The following ZNF557 variants were observed in gnomAD, a reference collection of about 807,000 sequenced individuals.
ZNF557 encodes the protein CTB-25J19.9.
In ZNF557, 19 loss-of-function variants were observed where a neutral mutation model predicts 21.2. That is an observed-to-expected ratio of 0.90 (90% CI 0.63 to 1.32). The LOEUF (loss-of-function observed/expected upper bound fraction) is 1.32, where lower values mean the gene tolerates loss of function less well. ZNF557 is among the 40% of genes most tolerant of loss of function. ZNF557 has a pLI of 0.00. For synonymous variants in ZNF557, 207 were observed against 194.8 expected (o/e 1.06, Z -0.52); for missense variants, 487 against 519.8 (o/e 0.94, Z 0.61).
intron 2 of ZNF557, 113 bp downstream of exon 2, chr19:7,070,766 AT>A (rs58796000): frequency 0.67 from 91,525 of 137,468 alleles, 29,990 homozygotes; most frequent in Middle Eastern, 0.75. Context: ...CAGTGAGGGT[AT>A]TTTTTTTTTT....
chr19:7,074,895 G>A (rs1254573418), intron 2 of ZNF557, 101 bp from the exon 3 acceptor site: 10 of 847,850 alleles, frequency 1.2e-5, no homozygotes, highest in Non-Finnish European at 1.7e-5. Flanking sequence ...GGCAGGAGAC[G>A]GGGTGACCGA....
chr19:7,082,196 ATGAGG>A, intron 7 of ZNF557, 144 bp downstream of exon 7: 1 of 474,354 alleles, frequency 2.1e-6, no homozygotes. Context: ...CAGTTGGATC[ATGAGG>A]TCAGGTCAGG....
intron 2 of ZNF557, among the ~76,000 whole-genome samples, chr19:7,074,309 C>T (rs890796711): frequency 1.3e-4 from 17 of 134,332 alleles, no homozygotes; most frequent in Admixed American, 7.0e-4. Flanking sequence ...CCTGGCCAGC[C>T]GCTTTCATCT....
In ZNF557 at chr19:7,085,415, CA is replaced by C. The variant is rs751688732; in HGVS notation, c.*1672del. The C allele has an allele frequency of 7.2e-5, 11 of 152,206 alleles. No homozygotes were observed. Among genetic ancestry groups the C allele is most frequent in the Admixed American group, 2.0e-4 (3 of 15,270 alleles). The allele number at this position is 152,206 out of a possible 1,614,324, so 9.4% of individuals were successfully genotyped here. On this transcript the variant is annotated 3_prime_UTR_variant, in exon 8 of 8. Coordinates refer to ENST00000252840, the MANE Select transcript of ZNF557 (RefSeq NM_024341.3). ...CTGGGCTCAAGTGATCCACCTGCCTCAGCCTCCCAAAATGCTGGGAATACAG... is the reference window on the plus strand; with the variant it reads ...CTGGGCTCAAGTGATCCACCTGCCTCGCCTCCCAAAATGCTGGGAATACAG...
At chr19:7,082,298 C>T (rs567969975) in intron 7 of ZNF557, among the ~76,000 whole-genome samples, 3 of 151,950 alleles carry the variant, frequency 2.0e-5, no homozygotes, top group African/African-American at 7.2e-5. Context: ...TGATGCGCAC[C>T]TGTAATCCCA....
intron 2 of ZNF557, among the ~76,000 whole-genome samples, chr19:7,074,249 G>T (rs984579759): frequency 6.6e-6 from 1 of 150,814 alleles, no homozygotes; most frequent in South Asian, 2.1e-4. Flanking sequence ...CTCGTGATCC[G>T]CCCGCCTCGG....
intron 2 of ZNF557, among the ~76,000 whole-genome samples, chr19:7,072,666 T>G (rs550621933): frequency 6.6e-6 from 1 of 152,166 alleles, no homozygotes; most frequent in South Asian, 2.1e-4. Context: ...AGACCCTACC[T>G]CGACTCTCAA....
intron 4 of ZNF557, 121 bp downstream of exon 4, chr19:7,075,864 G>C: frequency 6.7e-7 from 1 of 1,499,510 alleles, no homozygotes; most frequent in Non-Finnish European, 8.9e-7. Flanking sequence ...CAGGGTCTCT[G>C]AGTGAGGGCT....
intron 5 of ZNF557, among the ~76,000 whole-genome samples, chr19:7,079,164 A>G (rs1335570921): frequency 6.6e-6 from 1 of 151,986 alleles, no homozygotes; most frequent in East Asian, 1.9e-4. Flanking sequence ...TAATAAATCC[A>G]ATGACTAGGT....
chr19:7,079,629 TC>T (rs1977661711), intron 5 of ZNF557, among the ~76,000 whole-genome samples: 1 of 152,084 alleles, frequency 6.6e-6, no homozygotes, highest in South Asian at 2.1e-4. Context: ...AAATCTGATT[TC>T]CCCCCTCCCC....
rs899336621 is a variant in ZNF557, at chr19:7,075,753, A to T, written c.120+10A>T. On this transcript the variant is annotated intron_variant, in intron 4 of 7. Coordinates refer to ENST00000252840, the MANE Select transcript of ZNF557 (RefSeq NM_024341.3). The stretch of plus-strand genomic sequence containing the variant: ...GAAAAGCTGGCTAAAGGTGAGTCGG[A>T]TGTTCCTTTTTCCAAATCATGATTC... 4 of 1,612,094 alleles carry T rather than the reference A, an allele frequency of 2.5e-6. No individual in the cohort carries two copies. The Admixed American group carries it at 5.0e-5, about 20-fold the overall frequency.
chr19:7,083,256 T>G lies in ZNF557; in HGVS notation c.805T>G (p.Cys269Gly). 1.9e-6 allele frequency: 3 copies of G among 1,614,214 alleles called. No homozygotes were observed. Among genetic ancestry groups the G allele is most frequent in the Non-Finnish European group, 2.5e-6 (3 of 1,180,030 alleles). Residue 269 changes from cysteine (C) to glycine (G), a missense_variant, in exon 8 of 8, where the codon TGT becomes GGT. Cys to Gly is a radical substitution (Grantham distance 159). Coordinates refer to ENST00000252840, the MANE Select transcript of ZNF557 (RefSeq NM_024341.3). ...TGEKPYKCNQ[C>G]FREFRTQSIF... ...AGAAAAACCGTACAAATGTAACCAG[T>G]GTTTTCGTGAGTTCCGCACTCAGTC... is the stretch of plus-strand genomic sequence containing the variant.
At position 7,075,655 on chromosome 19, in the gene ZNF557, C is replaced by T. The variant is rs1977571223; in HGVS notation, c.32C>T (p.Ala11Val). The stretch of plus-strand genomic sequence containing the variant: ...CTGGTACTCATTTCTCCTCCTCCAG[C>T]TCTGTCTTCCCTGTTCCCAGCCTCT... MAAVVLPPTA[A>V]LSSLFPASQR... The change falls in exon 4 of 8, where the codon GCT becomes GTT. Residue 11 changes from alanine (A) to valine (V), a missense_variant and splice_region_variant. Coordinates refer to ENST00000252840, the MANE Select transcript of ZNF557 (RefSeq NM_024341.3). 2.5e-6 allele frequency: 4 copies of T among 1,613,234 alleles called. No individual in the cohort carries two copies. Among genetic ancestry groups the T allele is most frequent in the East Asian group, 4.5e-5 (2 of 44,874 alleles).
chr19:7,081,343 C>CT lies in ZNF557; in HGVS notation c.248-13dup. On this transcript the variant is annotated splice_polypyrimidine_tract_variant and intron_variant, in intron 5 of 7. Coordinates refer to ENST00000252840, the MANE Select transcript of ZNF557 (RefSeq NM_024341.3). ...TGCACAGTCCCCCTACATCATGTGT[C>CT]TTTTCTCCATGTACAGGGAACCAAG... 6.3e-7 allele frequency: 1 copy of CT among 1,587,502 alleles called. No individual in the cohort carries two copies. The highest frequency in any genetic ancestry group is 1.1e-5 in the South Asian group (1 of 90,334).
intron 2 of ZNF557, among the ~76,000 whole-genome samples, chr19:7,071,005 A>T (rs569564016): frequency 2.0e-5 from 3 of 152,196 alleles, no homozygotes; most frequent in South Asian, 2.1e-4. Context: ...ACTTCAGGTG[A>T]TCCACCCACC....
chr19:7,076,093 C>T (rs1364456134), intron 4 of ZNF557, among the ~76,000 whole-genome samples: 2 of 152,168 alleles, frequency 1.3e-5, no homozygotes, highest in South Asian at 2.1e-4. Context: ...CCATGATCCC[C>T]TGGAGACTGA....
intron 2 of ZNF557, among the ~76,000 whole-genome samples, chr19:7,071,768 T>C (rs10406689): frequency 0.86 from 119,740 of 139,314 alleles, 51,461 homozygotes; most frequent in Middle Eastern, 0.88. Context: ...CCGCTGCACT[T>C]CAGCCTGGGC....
intron 5 of ZNF557, 44 bp downstream of exon 5, chr19:7,076,551 G>A (rs780570477): frequency 6.3e-7 from 1 of 1,586,364 alleles, no homozygotes; most frequent in South Asian, 1.1e-5. Flanking sequence ...GACTCAGGAA[G>A]TCAGTCTTTT....
intron 2 of ZNF557, among the ~76,000 whole-genome samples, chr19:7,073,148 G>GTTTTTTTTTTTT (rs72453814): frequency 4.4e-5 from 2 of 45,356 alleles, no homozygotes; most frequent in Non-Finnish European, 1.1e-4. Context: ...TGTTTTTTTG[G>GTTTTTTTTTTTT]TTTTTTTTGT....
Sources: gnomAD v4.1 joint callset for allele counts (sites outside exome capture counted in the v4.1 genomes callset) on GRCh38, gnomAD v4.1.1 for gene constraint, MANE v1.5 for transcripts, NCBI Gene and HGNC (gene_info 2026-07-23, HGNC 2026-07-21) for gene names.